MMP27: variants seen among roughly 807,000 people sequenced by gnomAD.
The protein encoded by MMP27 is matrix metallopeptidase 27, also known as matrix metalloproteinase-27.
A neutral mutation model predicts 48.1 loss-of-function variants in MMP27; 51 were observed. The observed-to-expected ratio is 1.06, with a 90% CI of 0.85 to 1.34. The LOEUF is 1.34. Among genes scored for constraint, MMP27 ranks in the 40% most tolerant of loss-of-function variants. MMP27 has a pLI of 0.00. For missense variants in MMP27, 698 were observed against 619.3 expected (o/e 1.13, Z -1.35); for synonymous variants, 229 against 208.9 (o/e 1.10, Z -0.83).
intron 4 of MMP27, among the ~76,000 whole-genome samples, chr11:102,699,946 G>A (rs1860907418): frequency 6.6e-6 from 1 of 152,262 alleles, no homozygotes; most frequent in Middle Eastern, 3.4e-3. Context: ...CAGTTCTCAG[G>A]CTTGACATAG....
intron 4 of MMP27, among the ~76,000 whole-genome samples, chr11:102,700,958 C>T (rs1169785473): frequency 6.6e-6 from 1 of 152,226 alleles, no homozygotes; most frequent in Non-Finnish European, 1.5e-5. Context: ...AAAACAGAGC[C>T]TCCACATTGC....
intron 2 of MMP27, among the ~76,000 whole-genome samples, chr11:102,703,650 G>C (rs1256189026): frequency 6.6e-6 from 1 of 152,058 alleles, no homozygotes; most frequent in Non-Finnish European, 1.5e-5. Flanking sequence ...AGCCTCCTGA[G>C]TAGCTGGGAC....
In MMP27 at chr11:102,703,102, G is replaced by T; in HGVS notation, c.358C>A (p.Pro120Thr). 1 of 1,613,090 alleles carries T rather than the reference G, an allele frequency of 6.2e-7. No individual in the cohort carries two copies. The highest frequency in any genetic ancestry group is 1.1e-5 in the South Asian group (1 of 90,704). Residue 120 changes from proline to threonine, a missense_variant, in exon 3 of 10, where the codon CCG becomes ACG. Coordinates refer to ENST00000260229, the MANE Select transcript of MMP27 (RefSeq NM_022122.3). ...TCCACAGCAGCTCGTGCCATATCCG[G>T]AGTATAGTTTATTATTCTTAAAAAT... ...NLTYRIINYT[P>T]DMARAAVDEA...
intron 4 of MMP27, among the ~76,000 whole-genome samples, chr11:102,701,759 C>G (rs554169830): frequency 2.6e-5 from 4 of 152,330 alleles, no homozygotes; most frequent in Admixed American, 1.3e-4. Flanking sequence ...TTCACTGGCA[C>G]TTGGAAAAAC....
In MMP27 at chr11:102,705,759, T is replaced by C. The variant is rs574047235; in HGVS notation, c.-45A>G. ...AAGCCGGTTCTGTTAGCACAGAATT[T>C]AGAAAATAATAGTGAGACGTGGCAT... On this transcript the variant is annotated 5_prime_UTR_variant, in exon 1 of 10. Coordinates refer to ENST00000260229, the MANE Select transcript of MMP27 (RefSeq NM_022122.3). The C allele has an allele frequency of 1.4e-3, 1,809 of 1,288,132 alleles. 33 individuals are homozygous for C. The South Asian group carries it at 0.023, about 16-fold the overall frequency. The allele number at this position is 1,288,132 out of a possible 1,614,324, so 79.8% of individuals were successfully genotyped here. A position where few individuals can be genotyped will look rare whatever the true frequency, so the allele number is the denominator to read the frequency against.
chr11:102,692,880 T>G (rs1023347249), intron 9 of MMP27, 58 bp downstream of exon 9: 75 of 1,438,674 alleles, frequency 5.2e-5, no homozygotes, highest in Non-Finnish European at 7.1e-5. Flanking sequence ...TGTGCTGTCT[T>G]TTTTCACAGT....
chr11:102,702,053 C>T (rs767953108), intron 4 of MMP27, among the ~76,000 whole-genome samples: 1 of 152,154 alleles, frequency 6.6e-6, no homozygotes, highest in African/African-American at 2.4e-5. Context: ...TCTTTGAGGC[C>T]TACATTGCTA....
intron 4 of MMP27, among the ~76,000 whole-genome samples, chr11:102,699,646 C>G (rs1020694926): frequency 6.6e-6 from 1 of 152,198 alleles, no homozygotes; most frequent in Non-Finnish European, 1.5e-5. Context: ...CACTTTTCTG[C>G]TCTTGCCTTT....
Position 102,691,695 on chromosome 11 carries a change from A to G in MMP27, c.*71T>C. On this transcript the variant is annotated 3_prime_UTR_variant, in exon 10 of 10. Transcript: ENST00000260229. ...AGGACCAGCAACTTGTTGTTAAAGA[A>G]TGGTTTTATTCTATTTTGAAGCAGA... 1 of 1,317,052 alleles carries G rather than the reference A, an allele frequency of 7.6e-7. No individual in the cohort carries two copies. Among genetic ancestry groups the G allele is most frequent in the Non-Finnish European group, 1.0e-6 (1 of 978,868 alleles). 81.6% of individuals were successfully genotyped at this position (1,317,052 alleles called of 1,614,324 possible).
chr11:102,691,905 G>A lies in MMP27; in HGVS notation c.1403C>T (p.Pro468Leu). The A allele has an allele frequency of 1.2e-6, 2 of 1,613,444 alleles. No homozygotes were observed. The highest frequency in any genetic ancestry group is 2.2e-5 in the East Asian group (1 of 44,760). Reference sequence around the variant, plus strand: ...ATCAAAACCAAATGAGGAGTTCTTTGGTTCTTTGCATTGAAACCAAGTATT... The same window carrying A: ...ATCAAAACCAAATGAGGAGTTCTTTAGTTCTTTGCATTGAAACCAAGTATT... ...RTNTWFQCKE[P>L]KNSSFGFDIN... Residue 468 changes from proline (P) to leucine (L), a missense_variant, in exon 10 of 10, where the codon CCA (proline) becomes CTA (leucine). By Grantham distance (98) the Pro-to-Leu change is moderately conservative. Coordinates refer to ENST00000260229, the MANE Select transcript of MMP27 (RefSeq NM_022122.3).
At chr11:102,701,267 C>T (rs543916781) in intron 4 of MMP27, among the ~76,000 whole-genome samples, 3 of 151,490 alleles carry the variant, frequency 2.0e-5, no homozygotes, top group East Asian at 1.9e-4. Context: ...CTCAAGCGAG[C>T]CTTACCGATG....
At chr11:102,697,542 T>G (rs1297117657) in intron 4 of MMP27, among the ~76,000 whole-genome samples, 3 of 152,330 alleles carry the variant, frequency 2.0e-5, no homozygotes, top group Non-Finnish European at 4.4e-5. Context: ...GGTCTTGCTC[T>G]GTTGCCCAGG....
At chr11:102,703,245 T>TG in intron 2 of MMP27, 127 bp from the exon 3 acceptor site, 2 of 798,706 alleles carry the variant, frequency 2.5e-6, no homozygotes, top group Non-Finnish European at 3.9e-6. Flanking sequence ...TGCAATTATC[T>TG]TACAGTTGCA....
rs1479338976 is a variant in MMP27, at chr11:102,705,671, G to T, written c.44C>A (p.Ser15Tyr). The part of the protein sequence containing the change: ...LLLFLFFITF[S>Y]SAFPLVRMTE... Reference sequence around the variant, plus strand: ...CATCCGGACTAAGGGAAATGCAGAAGAAAATGTTATAAAGAACAAAAACAG... The same window carrying T: ...CATCCGGACTAAGGGAAATGCAGAATAAAATGTTATAAAGAACAAAAACAG... Residue 15 changes from serine (S) to tyrosine (Y), a missense_variant, in exon 1 of 10, where the codon TCT becomes TAT. Physicochemically the swap from Ser to Tyr is moderately radical, Grantham distance 144. Transcript: ENST00000260229. The T allele has an allele frequency of 1.9e-6, 3 of 1,606,436 alleles. No individual in the cohort carries two copies. The African/African-American group carries it at 4.0e-5, about 22-fold the overall frequency.
intron 4 of MMP27, among the ~76,000 whole-genome samples, chr11:102,702,174 T>C (rs117007398): frequency 0.014 from 2,189 of 152,302 alleles, 19 homozygotes; most frequent in Middle Eastern, 0.041. Context: ...TTTGAAGAAA[T>C]AAGTCAAATA....
intron 7 of MMP27, 46 bp from the exon 8 acceptor site, chr11:102,694,111 G>A: frequency 1.4e-6 from 2 of 1,401,996 alleles, no homozygotes; most frequent in Non-Finnish European, 1.9e-6. Flanking sequence ...GGAGAAATAG[G>A]TATCTCAAGA....
chr11:102,700,365 C>G (rs148972799), intron 4 of MMP27, among the ~76,000 whole-genome samples: 171 of 152,276 alleles, frequency 1.1e-3, no homozygotes, highest in African/African-American at 3.9e-3. Context: ...TTTCCTTATG[C>G]CTAGAATGTA....
rs529470708 is a variant in MMP27 at position 102,694,270 on chromosome 11, T to C, written c.1034-205A>G. ...AATATATACCTGTAAAAGTCAATAG[T>C]ATGCGTACCTTTGTCAATTGGTTTC... On this transcript the variant is annotated intron_variant, in intron 7 of 9. Coordinates refer to ENST00000260229, the MANE Select transcript of MMP27 (RefSeq NM_022122.3). Among the ~76,000 whole-genome samples the C allele has an allele frequency of 6.6e-4, 100 of 152,354 alleles. 4 individuals are homozygous for C. In the South Asian group the frequency reaches 0.02, roughly 31 times the overall value.
At position 102,696,669 on chromosome 11, in the gene MMP27, C is replaced by T. The variant is rs1860834466; in HGVS notation, c.781+5G>A. The T allele has an allele frequency of 6.3e-7, 1 of 1,596,628 alleles. No homozygotes were observed. ...ACATATATTGAGATTTATAATTTTG[C>T]TCACCATAGATGGACTGGATTCCAT... On this transcript the variant is annotated splice_donor_5th_base_variant and intron_variant, in intron 5 of 9. Coordinates refer to ENST00000260229, the MANE Select transcript of MMP27 (RefSeq NM_022122.3).
Sources: gnomAD v4.1 joint callset for allele counts (sites outside exome capture counted in the v4.1 genomes callset) on GRCh38, gnomAD v4.1.1 for gene constraint, MANE v1.5 for transcripts, NCBI Gene and HGNC (gene_info 2026-07-23, HGNC 2026-07-21) for gene names.